Variants in SNX29 observed in about 807,000 individuals in gnomAD.
The protein encoded by SNX29 is sorting nexin 29.
A neutral mutation model predicts 102.1 loss-of-function variants in SNX29; 78 were observed. The observed-to-expected ratio is 0.76, with a 90% CI of 0.64 to 0.92. The LOEUF is 0.92. Among genes scored for constraint, SNX29 ranks in the 40% least tolerant of loss-of-function variants. The pLI is 0.00. For missense variants in SNX29, 1,280 were observed against 1,061.7 expected, an observed-to-expected ratio of 1.21 and a Z score of -2.86; for synonymous variants, 580 against 414.5, an observed-to-expected ratio of 1.40 and a Z score of -4.85.
intron 10 of SNX29, among the ~76,000 whole-genome samples, chr16:12,077,137 G>C (rs1280899767): frequency 2.0e-5 from 3 of 152,252 alleles, no homozygotes; most frequent in East Asian, 1.9e-4. Flanking sequence ...AAATTATCCA[G>C]ATGTGGTGGT....
At chr16:12,373,169 G>C (rs1017075903) in intron 16 of SNX29, 2 of 152,202 alleles carry the variant, frequency 1.3e-5, no homozygotes, top group Non-Finnish European at 2.9e-5. Flanking sequence ...GTCTCGCTGT[G>C]TTGCCCAGAC....
chr16:12,295,113 C>T (rs188747385), intron 15 of SNX29, among the ~76,000 whole-genome samples: 1 of 152,298 alleles, frequency 6.6e-6, no homozygotes, highest in Admixed American at 6.5e-5. Context: ...TCAATTATCC[C>T]CCCACTGGTT....
At chr16:12,402,882 T>C (rs555661017) in intron 17 of SNX29, among the ~76,000 whole-genome samples, 4 of 152,172 alleles carry the variant, frequency 2.6e-5, no homozygotes, top group African/African-American at 9.6e-5. Flanking sequence ...CTCTGGTCCC[T>C]CCCTCCTCCC....
intron 14 of SNX29, among the ~76,000 whole-genome samples, chr16:12,208,477 C>T (rs544484334): frequency 1.3e-5 from 2 of 152,226 alleles, no homozygotes; most frequent in African/African-American, 4.8e-5. Context: ...AATGTGCTAG[C>T]AACATGTCTC....
At chr16:12,547,123 TCA>T (rs926628522) in intron 20 of SNX29, among the ~76,000 whole-genome samples, 1 of 150,108 alleles carries the variant, frequency 6.7e-6, no homozygotes, top group Admixed American at 6.6e-5. Context: ...GGAAATGACA[TCA>T]CAGTCATCAC....
chr16:12,338,809 A>G (rs1416752961), intron 15 of SNX29, among the ~76,000 whole-genome samples: 1 of 149,682 alleles, frequency 6.7e-6, no homozygotes, highest in African/African-American at 2.4e-5. Context: ...CCCACCTTCC[A>G]TGTGGGAGGC....
At chr16:12,080,966 G>A (rs1320051423) in intron 11 of SNX29, among the ~76,000 whole-genome samples, 1 of 152,192 alleles carries the variant, frequency 6.6e-6, no homozygotes, top group East Asian at 1.9e-4. Context: ...ACAGGTGTGA[G>A]CCACCGTGCC....
chr16:12,550,753 A>G (rs1405004395), intron 20 of SNX29, among the ~76,000 whole-genome samples: 5 of 151,890 alleles, frequency 3.3e-5, no homozygotes, highest in Non-Finnish European at 7.4e-5. Context: ...AGGTGATAAA[A>G]TAGTTGAAAA....
intron 13 of SNX29, among the ~76,000 whole-genome samples, chr16:12,162,689 C>G (rs759645276): frequency 6.6e-6 from 1 of 152,182 alleles, no homozygotes; most frequent in African/African-American, 2.4e-5. Flanking sequence ...AGCCTGAAGG[C>G]AGTGGGGTCT....
chr16:12,373,249 CA>C (rs1176030594), intron 16 of SNX29, among the ~76,000 whole-genome samples: 5 of 152,240 alleles, frequency 3.3e-5, no homozygotes, highest in African/African-American at 1.2e-4. Context: ...CCTCCCACCT[CA>C]GCCTCCTGAG....
chr16:12,562,273 C>T (rs966944380), intron 20 of SNX29, among the ~76,000 whole-genome samples: 2 of 152,176 alleles, frequency 1.3e-5, no homozygotes, highest in Admixed American at 6.5e-5. Context: ...TCCCCATGGG[C>T]CACGCTCTAT....
At chr16:12,072,104 C>A (rs537957676) in intron 10 of SNX29, among the ~76,000 whole-genome samples, 1 of 152,172 alleles carries the variant, frequency 6.6e-6, no homozygotes, top group African/African-American at 2.4e-5. Context: ...ACAGTCACAT[C>A]GTCTGCAAAC....
intron 20 of SNX29, among the ~76,000 whole-genome samples, chr16:12,536,169 A>C (rs1422825185): frequency 1.3e-5 from 2 of 152,184 alleles, no homozygotes; most frequent in African/African-American, 4.8e-5. Flanking sequence ...CTCCTGGCTT[A>C]GCACACATCA....
rs547296591 is a variant in SNX29, at chr16:12,267,478, C to T, written c.1679-10455C>T. ...TTCTCAAGTGGGATGGTTAAATTGTCCAGGCTGTGATGTGCTCCTGGGGTC... is the reference window on the plus strand; with the variant it reads ...TTCTCAAGTGGGATGGTTAAATTGTTCAGGCTGTGATGTGCTCCTGGGGTC... On this transcript the variant is annotated intron_variant, in intron 14 of 20. Coordinates refer to ENST00000566228, the MANE Select transcript of SNX29 (RefSeq NM_032167.5). Among the ~76,000 whole-genome samples the T allele has an allele frequency of 1.1e-4, 17 of 152,258 alleles. No homozygotes were observed. The South Asian group carries it at 3.5e-3, about 32-fold the overall frequency.
At chr16:12,065,845 G>A (rs552657860) in intron 9 of SNX29, among the ~76,000 whole-genome samples, 2 of 152,214 alleles carry the variant, frequency 1.3e-5, no homozygotes, top group East Asian at 1.9e-4. Flanking sequence ...GCCATTGGAC[G>A]GACCAGGGTT....
chr16:12,389,179 T>C (rs1164456807), intron 16 of SNX29, among the ~76,000 whole-genome samples: 3 of 152,234 alleles, frequency 2.0e-5, no homozygotes, highest in Non-Finnish European at 4.4e-5. Flanking sequence ...CTGCCTTTCT[T>C]TGGCATCATC....
intron 14 of SNX29, among the ~76,000 whole-genome samples, chr16:12,205,214 G>C (rs1198006723): frequency 6.6e-6 from 1 of 152,158 alleles, no homozygotes; most frequent in Non-Finnish European, 1.5e-5. Context: ...AACCATTGCA[G>C]GCATCCCTAT....
At chr16:12,481,393 TATACAC>T (rs757574629) in intron 19 of SNX29, among the ~76,000 whole-genome samples, 23 of 146,470 alleles carry the variant, frequency 1.6e-4, no homozygotes, top group African/African-American at 5.5e-4. Context: ...TATATATATA[TATACAC>T]ACACACACAC....
intron 18 of SNX29, among the ~76,000 whole-genome samples, chr16:12,472,169 T>G (rs953771910): frequency 6.6e-6 from 1 of 152,122 alleles, no homozygotes; most frequent in Non-Finnish European, 1.5e-5. Flanking sequence ...TCCACAGTAC[T>G]GAGTGAAAGA....
Sources: gnomAD v4.1 joint callset for allele counts (sites outside exome capture counted in the v4.1 genomes callset) on GRCh38, gnomAD v4.1.1 for gene constraint, MANE v1.5 for transcripts, NCBI Gene and HGNC (gene_info 2026-07-23, HGNC 2026-07-21) for gene names.